Variants in ZEB2 observed in about 807,000 individuals in gnomAD.
ZEB2 encodes zinc finger E-box binding homeobox 2, also known as zinc finger E-box-binding homeobox 2.
In ZEB2, 6 loss-of-function variants were observed where a neutral mutation model predicts 99.9. That is an observed-to-expected ratio of 0.06 (90% CI 0.03 to 0.12). The LOEUF (loss-of-function observed/expected upper bound fraction) is 0.12. Among genes scored for constraint, ZEB2 ranks in the 10% least tolerant of loss-of-function variants. The pLI, the probability that ZEB2 is intolerant of heterozygous loss-of-function variation, is 1.00. For missense variants in ZEB2, 969 were observed against 1,502.8 expected, an observed-to-expected ratio of 0.64 and a Z score of 5.87; for synonymous variants, 517 against 542.5, an observed-to-expected ratio of 0.95 and a Z score of 0.65.
intron 4 of ZEB2, among the ~76,000 whole-genome samples, chr2:144,415,430 T>G (rs1051118624): frequency 6.6e-6 from 1 of 152,224 alleles, no homozygotes; most frequent in African/African-American, 2.4e-5. Context: ...CCGGTTCATT[T>G]TGCTTTCCCA....
At chr2:144,428,690 G>A (rs987347415) in intron 3 of ZEB2, 4 of 151,936 alleles carry the variant, frequency 2.6e-5, no homozygotes, top group African/African-American at 7.3e-5. Context: ...ATTTTCTTTC[G>A]TAGTGGAAGT....
chr2:144,498,331 C>G (rs1461258300), intron 2 of ZEB2, among the ~76,000 whole-genome samples: 1 of 150,414 alleles, frequency 6.6e-6, no homozygotes, highest in East Asian at 2.0e-4. Flanking sequence ...CCCTTGTAAA[C>G]TCAGAACCAG....
chr2:144,404,134 T>C lies in ZEB2; in HGVS notation c.593-4A>G, dbSNP rs1703349979. On this transcript the variant is annotated splice_region_variant and splice_polypyrimidine_tract_variant and intron_variant, in intron 5 of 9. Transcript: ENST00000627532. ...TCTGGAGTTCCAGGTGGCAGGTCTG[T>C]AGCCGAGAGACAGAGAGAGAGAGAA... 10 of 1,613,752 alleles carry C rather than the reference T, an allele frequency of 6.2e-6. No individual in the cohort carries two copies. The South Asian group carries it at 9.9e-5, about 16-fold the overall frequency.
intron 2 of ZEB2, among the ~76,000 whole-genome samples, chr2:144,477,077 T>C (rs1475333561): frequency 6.6e-6 from 1 of 152,240 alleles, no homozygotes; most frequent in Admixed American, 6.5e-5. Context: ...ATTGATGTTT[T>C]ACTGGCAATA....
chr2:144,454,614 T>G (rs893367309), intron 2 of ZEB2, among the ~76,000 whole-genome samples: 1 of 152,208 alleles, frequency 6.6e-6, no homozygotes, highest in Non-Finnish European at 1.5e-5. Flanking sequence ...GTGAAAACCA[T>G]GCTCAGTGAG....
In ZEB2 at chr2:144,398,341, A is replaced by G. The variant is rs2149876317; in HGVS notation, c.2846T>C (p.Met949Thr). Residue 949 changes from methionine to threonine, a missense_variant, in exon 8 of 10, where the codon ATG (methionine) becomes ACG (threonine). Met to Thr is a moderately conservative substitution (Grantham distance 81). Transcript: ENST00000627532. The part of the protein sequence containing the change: ...YPTGAATFAD[M>T]QQRRKYQRKQ... ...CCGCTGGTACTTTCTCCTTTGCTGCATATCAGCAAAAGTAGCTGCTCCAGT... is the reference window on the plus strand; with the variant it reads ...CCGCTGGTACTTTCTCCTTTGCTGCGTATCAGCAAAAGTAGCTGCTCCAGT... 2.5e-6 allele frequency: 4 copies of G among 1,613,982 alleles called. No homozygotes were observed. Among genetic ancestry groups the G allele is most frequent in the Non-Finnish European group, 3.4e-6 (4 of 1,179,954 alleles).
chr2:144,468,538 G>T (rs973486492), intron 2 of ZEB2, among the ~76,000 whole-genome samples: 1 of 152,096 alleles, frequency 6.6e-6, no homozygotes, highest in African/African-American at 2.4e-5. Flanking sequence ...TAAGGAACAG[G>T]CATGCCATTT....
chr2:144,399,391 T>G lies in ZEB2; in HGVS notation c.1796A>C (p.His599Pro). ...SFPGPIPLHQ[H>P]ERYLCKMNEE... ...ATTCATCTTACAAAGGTAACGTTCA[T>G]GCTGATGCAAAGGGATGGGGCCAGG... is the stretch of plus-strand genomic sequence containing the variant. The change falls in exon 8 of 10, where the codon CAT becomes CCT. Residue 599 changes from histidine (H) to proline (P), a missense_variant. Transcript: ENST00000627532. The surrounding 1 kb of genome is among the most constrained non-coding windows in gnomAD (Gnocchi z 5.6). 1.9e-6 allele frequency: 3 copies of G among 1,614,188 alleles called. No individual in the cohort carries two copies. Among genetic ancestry groups the G allele is most frequent in the Non-Finnish European group, 2.5e-6 (3 of 1,180,014 alleles).
chr2:144,399,233 A>C lies in ZEB2; in HGVS notation c.1954T>G (p.Tyr652Asp). 1 of 1,614,114 alleles carries C rather than the reference A, an allele frequency of 6.2e-7. No homozygotes were observed. The highest frequency in any genetic ancestry group is 1.1e-5 in the South Asian group (1 of 91,074). ...TTGAGTACAGACATGTGGTCCTTGT[A>C]TGGGTTGATGGGGCTTGTCATTCCT... is the stretch of plus-strand genomic sequence containing the variant. ...EKGMTSPINPYKDHMSVLKAY... is the reference protein window; with the variant it reads ...EKGMTSPINPDKDHMSVLKAY... The change falls in exon 8 of 10, where the codon TAC becomes GAC. Residue 652 changes from tyrosine to aspartate, a missense_variant. Physicochemically the swap from Tyr to Asp is radical, Grantham distance 160. Coordinates refer to ENST00000627532, the MANE Select transcript of ZEB2 (RefSeq NM_014795.4). The surrounding 1 kb of genome is among the most constrained non-coding windows in gnomAD (Gnocchi z 5.6).
chr2:144,420,971 A>T (rs1382886799), intron 4 of ZEB2, among the ~76,000 whole-genome samples: 1 of 152,178 alleles, frequency 6.6e-6, no homozygotes, highest in African/African-American at 2.4e-5. Flanking sequence ...AAACTGTTAT[A>T]GGAAAGATGT....
chr2:144,509,175 G>A (rs190120670), intron 2 of ZEB2, among the ~76,000 whole-genome samples: 1 of 152,304 alleles, frequency 6.6e-6, no homozygotes, highest in Admixed American at 6.5e-5. Flanking sequence ...AAGGGGCCAG[G>A]CACTCAAAGA....
chr2:144,504,095 CAACAAAAAA>C (rs1560653638), intron 2 of ZEB2: 3 of 47,580 alleles, frequency 6.3e-5, no homozygotes, highest in East Asian at 4.1e-4. Context: ...AAAAAAAAAA[CAACAAAAAA>C]AACAAACCAC....
At chr2:144,456,955 C>A (rs1265424448) in intron 2 of ZEB2, among the ~76,000 whole-genome samples, 2 of 152,104 alleles carry the variant, frequency 1.3e-5, no homozygotes, top group Non-Finnish European at 2.9e-5. Context: ...ATCGTTCCAG[C>A]TCTCACACTC....
intron 2 of ZEB2, among the ~76,000 whole-genome samples, chr2:144,474,375 C>A (rs1281182502): frequency 2.0e-5 from 3 of 152,208 alleles, no homozygotes; most frequent in African/African-American, 7.2e-5. Context: ...CACAAGGCAT[C>A]AGACTTGAAG....
At chr2:144,499,980 A>G (rs776076450) in intron 2 of ZEB2, among the ~76,000 whole-genome samples, 2 of 152,240 alleles carry the variant, frequency 1.3e-5, no homozygotes, top group Non-Finnish European at 2.9e-5. Context: ...GAAAAAAGAT[A>G]CAGAATGCAT....
In ZEB2 at chr2:144,517,312, C is replaced by T. The variant is rs1421792563; in HGVS notation, c.39G>A (p.Lys13=). The T allele has an allele frequency of 5.0e-6, 8 of 1,613,476 alleles. No individual in the cohort carries two copies. Among genetic ancestry groups the T allele is most frequent in the Admixed American group, 1.7e-5 (1 of 60,004 alleles). Residue 13 remains lysine, a synonymous_variant, in exon 2 of 10, where the codon AAG becomes AAA. Coordinates refer to ENST00000627532, the MANE Select transcript of ZEB2 (RefSeq NM_014795.4). The part of the protein sequence containing the change: ...QPIMADGPRC[K]RRKQANPRRK... ...TCCTGGGATTGGCTTGTTTGCGCCTCTTGCACCGGGGGCCATCCGCCATGA... is the reference window on the plus strand; with the variant it reads ...TCCTGGGATTGGCTTGTTTGCGCCTTTTGCACCGGGGGCCATCCGCCATGA...
chr2:144,418,613 A>C (rs1573734313), intron 4 of ZEB2, among the ~76,000 whole-genome samples: 1 of 151,992 alleles, frequency 6.6e-6, no homozygotes, highest in Non-Finnish European at 1.5e-5. Context: ...GCTTGAACCC[A>C]GGAGGCGGAG....
At chr2:144,402,326 G>T (rs1002941892) in intron 6 of ZEB2, among the ~76,000 whole-genome samples, 2 of 152,142 alleles carry the variant, frequency 1.3e-5, no homozygotes, top group African/African-American at 4.8e-5. Context: ...AACTGCTAGG[G>T]TGTGCTGAAT....
intron 2 of ZEB2, chr2:144,455,208 C>T (rs972048138): frequency 1.3e-5 from 2 of 152,170 alleles, no homozygotes; most frequent in Non-Finnish European, 2.9e-5. Flanking sequence ...TCTGACTAAC[C>T]TCTGCACTTG....
Sources: allele counts gnomAD v4.1 joint callset (sites outside exome capture counted in the v4.1 genomes callset), GRCh38; gene constraint gnomAD v4.1.1; non-coding constraint Gnocchi (gnomAD v3.1); transcripts MANE v1.5; gene names NCBI Gene and HGNC (gene_info 2026-07-23, HGNC 2026-07-21).